LRRIQ1: variants seen among roughly 807,000 people sequenced by gnomAD.
LRRIQ1 encodes the protein leucine-rich repeat- and IQ domain-containing protein 1.
LRRIQ1 carries 210 observed loss-of-function variants against 211.9 expected under a neutral mutation model. That is an observed-to-expected ratio of 0.99 (90% CI 0.89 to 1.11). The LOEUF is 1.11. LRRIQ1 is among the 50% of genes most tolerant of loss of function. The pLI, the probability that LRRIQ1 is intolerant of heterozygous loss-of-function variation, is 0.00. For synonymous variants in LRRIQ1, 699 were observed against 650.1 expected, an observed-to-expected ratio of 1.08 and a Z score of -1.14; for missense variants, 2,136 against 1,939.5, an observed-to-expected ratio of 1.10 and a Z score of -1.90.
intron 11 of LRRIQ1, among the ~76,000 whole-genome samples, chr12:85,094,786 C>CA (rs1839858334): frequency 6.6e-6 from 1 of 151,940 alleles, no homozygotes; most frequent in East Asian, 1.9e-4. Context: ...TGATTTCTTT[C>CA]AGTGGTGCTT....
At chr12:85,208,325 G>T (rs1236114106) in intron 24 of LRRIQ1, among the ~76,000 whole-genome samples, 3 of 152,072 alleles carry the variant, frequency 2.0e-5, no homozygotes, top group Admixed American at 1.3e-4. Flanking sequence ...GGAGGAATGT[G>T]CCTCCAGGTA....
chr12:85,056,975 T>C lies in LRRIQ1; in HGVS notation c.2182T>C (p.Cys728Arg). 2.5e-6 allele frequency: 4 copies of C among 1,610,900 alleles called. No individual in the cohort carries two copies. The highest frequency in any genetic ancestry group is 3.4e-6 in the Non-Finnish European group (4 of 1,178,716). ...ACCTGAACCTGATAGCATGACCTGC[T>C]GTGTATCAGAGTCAACCCTTCTATA... ...NAPEPDSMTC[C>R]VSESTLLYSI... The change falls in exon 8 of 27, where the codon TGT becomes CGT. Residue 728 changes from cysteine to arginine, a missense_variant. By Grantham distance (180) the Cys-to-Arg change is radical (BLOSUM62 -3). Transcript: ENST00000393217.
At chr12:85,053,194 T>G (rs1036433571) in intron 7 of LRRIQ1, among the ~76,000 whole-genome samples, 26 of 151,824 alleles carry the variant, frequency 1.7e-4, no homozygotes, top group African/African-American at 6.3e-4. Flanking sequence ...ATGTGACACA[T>G]GGTGAAAAGA....
intron 11 of LRRIQ1, among the ~76,000 whole-genome samples, chr12:85,083,333 T>C (rs1045136928): frequency 1.1e-4 from 16 of 152,332 alleles, no homozygotes; most frequent in Middle Eastern, 3.4e-3. Flanking sequence ...GCAGCTCTTT[T>C]GGAAATATTC....
chr12:85,060,214 AAATGG>A (rs1881624950), intron 8 of LRRIQ1, among the ~76,000 whole-genome samples: 1 of 151,962 alleles, frequency 6.6e-6, no homozygotes, highest in Admixed American at 6.6e-5. Context: ...AAGAGAAGGC[AAATGG>A]ATTGTTTTCG....
chr12:85,201,580 T>A (rs556467564), intron 24 of LRRIQ1, among the ~76,000 whole-genome samples: 1 of 152,276 alleles, frequency 6.6e-6, no homozygotes, highest in South Asian at 2.1e-4. Flanking sequence ...TGAACAGAGG[T>A]GTTCATAGTA....
At chr12:85,091,097 T>G (rs890639687) in intron 11 of LRRIQ1, among the ~76,000 whole-genome samples, 1 of 152,130 alleles carries the variant, frequency 6.6e-6, no homozygotes, top group African/African-American at 2.4e-5. Flanking sequence ...TTTTTTTACC[T>G]TGTGACATGT....
intron 6 of LRRIQ1, among the ~76,000 whole-genome samples, chr12:85,050,728 C>G (rs1383576402): frequency 6.6e-6 from 1 of 152,176 alleles, no homozygotes; most frequent in Non-Finnish European, 1.5e-5. Flanking sequence ...ATTTCTCACA[C>G]TTATCCATAG....
chr12:85,207,422 AAC>A, intron 24 of LRRIQ1, among the ~76,000 whole-genome samples: 1 of 152,252 alleles, frequency 6.6e-6, no homozygotes, highest in South Asian at 2.1e-4. Flanking sequence ...TATTTTTGAT[AAC>A]AGTCCTTTAT....
At chr12:85,152,077 T>G (rs571889699) in intron 19 of LRRIQ1, among the ~76,000 whole-genome samples, 3 of 151,816 alleles carry the variant, frequency 2.0e-5, no homozygotes, top group Non-Finnish European at 3.0e-5. Flanking sequence ...TATCCAAAAC[T>G]TAGGGATGAA....
intron 24 of LRRIQ1, among the ~76,000 whole-genome samples, chr12:85,180,422 A>G (rs907443239): frequency 2.0e-5 from 3 of 151,832 alleles, no homozygotes; most frequent in African/African-American, 7.2e-5. Context: ...GATCCCACAT[A>G]TTTTCCCTAA....
intron 11 of LRRIQ1, among the ~76,000 whole-genome samples, chr12:85,087,516 TAC>T (rs1484441925): frequency 6.6e-6 from 1 of 152,168 alleles, no homozygotes; most frequent in Non-Finnish European, 1.5e-5. Flanking sequence ...GAGGAATCAC[TAC>T]ACTGTCTTCC....
chr12:85,173,882 G>A (rs933752653), intron 24 of LRRIQ1, among the ~76,000 whole-genome samples: 1 of 152,050 alleles, frequency 6.6e-6, no homozygotes, highest in East Asian at 1.9e-4. Flanking sequence ...CCAGGCAAGA[G>A]ATTAGAAGAG....
At chr12:85,050,418 A>C in intron 6 of LRRIQ1, among the ~76,000 whole-genome samples, 1 of 152,270 alleles carries the variant, frequency 6.6e-6, no homozygotes, top group African/African-American at 2.4e-5. Context: ...CTCCTACAAA[A>C]ACTGCATACT....
chr12:85,177,064 A>C (rs1891743850), intron 24 of LRRIQ1, among the ~76,000 whole-genome samples: 1 of 152,136 alleles, frequency 6.6e-6, no homozygotes, highest in African/African-American at 2.4e-5. Flanking sequence ...GATTTTCCTC[A>C]TCAATTAATT....
chr12:85,265,583 A>G (rs1005865040), downstream of LRRIQ1, among the ~76,000 whole-genome samples: 1 of 152,004 alleles, frequency 6.6e-6, no homozygotes, highest in African/African-American at 2.4e-5. Context: ...TGAAAGAACC[A>G]TAATCTAGAC....
In LRRIQ1 at chr12:85,156,114, T is replaced by C. The variant is rs540210315; in HGVS notation, c.4720+2020T>C. 2.0e-5 allele frequency among the ~76,000 whole-genome samples: 3 copies of C among 151,894 alleles called. 1 individual carries two copies. The East Asian group carries it at 5.8e-4, about 29-fold the overall frequency. On this transcript the variant is annotated intron_variant, in intron 23 of 26. Transcript: ENST00000393217. ...AATTGTATAATATTTATGGGGACTG[T>C]TACTCCAATAACATGATTATAATCC...
At chr12:85,043,727 C>T (rs1879188452) in intron 3 of LRRIQ1, among the ~76,000 whole-genome samples, 1 of 152,004 alleles carries the variant, frequency 6.6e-6, no homozygotes, top group Admixed American at 6.6e-5. Context: ...CTAGTCTAAA[C>T]ATCCAAGGTG....
At chr12:85,047,624 A>G in intron 6 of LRRIQ1, 154 bp downstream of exon 6, 1 of 608,106 alleles carries the variant, frequency 1.6e-6, no homozygotes, top group Non-Finnish European at 2.9e-6. Context: ...ACAGTATTTA[A>G]TATGAGGTCC....
Sources: gnomAD v4.1 joint callset for allele counts (sites outside exome capture counted in the v4.1 genomes callset) on GRCh38, gnomAD v4.1.1 for gene constraint, MANE v1.5 for transcripts, NCBI Gene and HGNC (gene_info 2026-07-23, HGNC 2026-07-21) for gene names.